The following FLRT1 variants were observed in gnomAD, a reference collection of about 807,000 sequenced individuals.
The protein encoded by FLRT1 is fibronectin leucine rich transmembrane protein 1.
A neutral mutation model predicts 30.9 loss-of-function variants in FLRT1; 14 were observed. The observed-to-expected ratio is 0.45, with a 90% CI of 0.30 to 0.71. The LOEUF is 0.71. Among genes scored for constraint, FLRT1 ranks in the 30% least tolerant of loss-of-function variants. The pLI, the probability that FLRT1 is intolerant of heterozygous loss-of-function variation, is 0.08. For synonymous variants in FLRT1, 368 were observed against 430.4 expected, an observed-to-expected ratio of 0.85 and a Z score of 1.80; for missense variants, 737 against 949.2, an observed-to-expected ratio of 0.78 and a Z score of 2.94.
chr11:64,054,978 C>G (rs947914737), intron 1 of FLRT1, among the ~76,000 whole-genome samples: 2 of 152,186 alleles, frequency 1.3e-5, no homozygotes, highest in Non-Finnish European at 2.9e-5. Context: ...TCCTACCAGC[C>G]CTTTCCTACC....
At position 64,117,066 on chromosome 11, in the gene FLRT1, C is replaced by T. The variant is rs764624707; in HGVS notation, c.799C>T (p.Leu267=). 1.9e-6 allele frequency: 3 copies of T among 1,602,546 alleles called. No individual in the cohort carries two copies. The highest frequency in any genetic ancestry group is 2.6e-6 in the Non-Finnish European group (3 of 1,174,924). Residue 267 remains leucine (L), a synonymous_variant, in exon 3 of 3, where the codon CTG becomes TTG. Transcript: ENST00000682287. ...RNSLAAPPLN[L]PSAHLQKLYL... Reference sequence around the variant, plus strand: ...TTCGCTGGCCGCGCCACCCCTCAACCTGCCCAGCGCCCACCTGCAGAAGCT... The same window carrying T: ...TTCGCTGGCCGCGCCACCCCTCAACTTGCCCAGCGCCCACCTGCAGAAGCT...
Position 64,117,971 on chromosome 11 carries a change from G to A in FLRT1, c.1704G>A (p.Leu568=), listed in dbSNP as rs554837203. ...GGAVALVFLF[L]VLGAICWYVH... is the part of the protein sequence containing the mutation. The stretch of plus-strand genomic sequence containing the variant: ...CAGTGGCTCTGGTCTTCCTCTTCCT[G>A]GTCCTGGGGGCCATCTGCTGGTACG... The change falls in exon 3 of 3, where the codon CTG becomes CTA. Residue 568 remains leucine (L), a synonymous_variant. Coordinates refer to ENST00000682287, the MANE Select transcript of FLRT1 (RefSeq NM_013280.5). The A allele has an allele frequency of 2.5e-6, 4 of 1,613,770 alleles. No individual in the cohort carries two copies. In the South Asian group the frequency reaches 4.4e-5, roughly 18 times the overall value.
chr11:64,070,660 C>T (rs1944091878), intron 1 of FLRT1, among the ~76,000 whole-genome samples: 1 of 152,196 alleles, frequency 6.6e-6, no homozygotes, highest in African/African-American at 2.4e-5. Context: ...CCTCAGGGGC[C>T]TCCCAGCTGA....
intron 1 of FLRT1, among the ~76,000 whole-genome samples, chr11:64,061,410 C>T (rs1943901320): frequency 6.6e-6 from 1 of 152,194 alleles, no homozygotes; most frequent in Non-Finnish European, 1.5e-5. Flanking sequence ...AGACCCCAGG[C>T]CGGCCTCCCA....
chr11:64,039,587 G>A (rs1174909882), intron 1 of FLRT1, among the ~76,000 whole-genome samples: 1 of 152,200 alleles, frequency 6.6e-6, no homozygotes, highest in Non-Finnish European at 1.5e-5. Flanking sequence ...ACGGGAAAAG[G>A]ACAGCACCCC....
chr11:64,060,136 G>C (rs1313722112), intron 1 of FLRT1, among the ~76,000 whole-genome samples: 1 of 152,260 alleles, frequency 6.6e-6, no homozygotes, highest in Non-Finnish European at 1.5e-5. Flanking sequence ...TTTAATTAGT[G>C]TTCTGTCAAG....
At position 64,116,553 on chromosome 11, in the gene FLRT1, G is replaced by A. The variant is rs778098134; in HGVS notation, c.286G>A (p.Ala96Thr). The change falls in exon 3 of 3, where the codon GCC becomes ACC. Residue 96 changes from alanine to threonine, a missense_variant. Coordinates refer to ENST00000682287, the MANE Select transcript of FLRT1 (RefSeq NM_013280.5). ...LYLQNNQINN[A>T]GIPQDLKTKV... is the part of the protein sequence containing the mutation. ...CCTGCAGAACAACCAGATCAACAACGCCGGCATCCCCCAGGACCTCAAGAC... is the reference window on the plus strand; with the variant it reads ...CCTGCAGAACAACCAGATCAACAACACCGGCATCCCCCAGGACCTCAAGAC... 1.2e-6 allele frequency: 2 copies of A among 1,614,006 alleles called. No homozygotes were observed. The highest frequency in any genetic ancestry group is 1.7e-5 in the Admixed American group (1 of 60,014).
At chr11:64,107,583 T>C (rs956154915) in intron 2 of FLRT1, among the ~76,000 whole-genome samples, 2 of 152,220 alleles carry the variant, frequency 1.3e-5, no homozygotes, top group African/African-American at 2.4e-5. Flanking sequence ...GCATAATGCA[T>C]GCAGCATGAA....
At position 64,113,477 on chromosome 11, in the gene FLRT1, T is replaced by TATGG. The variant is rs548042849; in HGVS notation, c.-49-2725_-49-2722dup. Among the ~76,000 whole-genome samples the TATGG allele has an allele frequency of 1.7e-4, 17 of 102,996 alleles. 1 individual carries two copies. The East Asian group carries it at 2.6e-3, about 16-fold the overall frequency. 67.6% of individuals were successfully genotyped at this position (102,996 alleles called of 152,430 possible). On this transcript the variant is annotated intron_variant, in intron 2 of 2. Transcript: ENST00000682287. ...AGGTGGATGCATGGATTGATGCATA[T>TATGG]ATGGATGGATGGATGGATGGTTGGA...
At position 64,082,834 on chromosome 11, in the gene FLRT1, C is replaced by T. The variant is rs960262234; in HGVS notation, c.-1037-20360C>T. On this transcript the variant is annotated intron_variant, in intron 1 of 2. Transcript: ENST00000682287. This position sits in a 1 kb window ranked among gnomAD's most constrained non-coding sequence, Gnocchi z 4.5. ...CCTCAGCTCAGACATCACCACGACC[C>T]ACAGGGCACCAGACACCGAGGTAGG... 3 of 152,468 alleles carry T rather than the reference C, an allele frequency of 2.0e-5. No individual in the cohort carries two copies. Among genetic ancestry groups the T allele is most frequent in the Non-Finnish European group, 4.4e-5 (3 of 68,216 alleles). 9.4% of individuals were successfully genotyped at this position (152,468 alleles called of 1,614,324 possible).
chr11:64,108,760 A>G (rs632603), intron 2 of FLRT1, among the ~76,000 whole-genome samples: 41,834 of 152,156 alleles, frequency 0.27, 6,545 homozygotes, highest in African/African-American at 0.44. Context: ...GGGGAGACAC[A>G]TGAATTATTG....
chr11:64,065,661 C>G (rs891533099), intron 1 of FLRT1, among the ~76,000 whole-genome samples: 14 of 152,066 alleles, frequency 9.2e-5, no homozygotes, highest in South Asian at 4.2e-4. Context: ...ATGGTGGCGG[C>G]CGCCTGTAGT....
At position 64,112,609 on chromosome 11, in the gene FLRT1, T is replaced by TTATA. The variant is rs1487863939; in HGVS notation, c.-49-3610_-49-3609insTATA. Among the ~76,000 whole-genome samples the TTATA allele has an allele frequency of 3.6e-3, 550 of 151,984 alleles. 2 individuals carry two copies. Among genetic ancestry groups the TTATA allele is most frequent in the Non-Finnish European group, 5.9e-3 (401 of 67,962 alleles). On this transcript the variant is annotated intron_variant, in intron 2 of 2. Coordinates refer to ENST00000682287, the MANE Select transcript of FLRT1 (RefSeq NM_013280.5). Reference sequence around the variant, plus strand: ...TAGGCAAGCAAGGAACTGAGAGGAGTATCTGGGAGTTATAATTCTCGATAG... The same window carrying TTATA: ...TAGGCAAGCAAGGAACTGAGAGGAGTTATAATCTGGGAGTTATAATTCTCGATAG...
Position 64,117,575 on chromosome 11 carries a change from C to T in FLRT1, c.1308C>T (p.Ala436=), listed in dbSNP as rs556505398. ...ACCCCATGGCCACGGGTGATGGCGCCAAGACCCTGGCCATCCACGTGAAGG... is the reference window on the plus strand; with the variant it reads ...ACCCCATGGCCACGGGTGATGGCGCTAAGACCCTGGCCATCCACGTGAAGG... ...IDYPMATGDG[A]KTLAIHVKAL... Residue 436 remains alanine (A), a synonymous_variant, in exon 3 of 3, where the codon GCC becomes GCT. Transcript: ENST00000682287. 9 of 1,610,476 alleles carry T rather than the reference C, an allele frequency of 5.6e-6. No homozygotes were observed. The South Asian group carries it at 7.7e-5, about 14-fold the overall frequency.
chr11:64,076,032 C>T (rs1362721324), intron 1 of FLRT1, among the ~76,000 whole-genome samples: 1 of 152,218 alleles, frequency 6.6e-6, no homozygotes, highest in Non-Finnish European at 1.5e-5. Flanking sequence ...GCCCTGGTTC[C>T]AAGTCGCTCT....
chr11:64,040,355 G>A (rs1317896287), intron 1 of FLRT1, among the ~76,000 whole-genome samples: 1 of 152,172 alleles, frequency 6.6e-6, no homozygotes, highest in Non-Finnish European at 1.5e-5. Flanking sequence ...ACAAGGGCCT[G>A]GAGGACAGGA....
chr11:64,088,573 T>C, intron 1 of FLRT1, among the ~76,000 whole-genome samples: 1 of 151,870 alleles, frequency 6.6e-6, no homozygotes, highest in Non-Finnish European at 1.5e-5. Flanking sequence ...GTGTTTCTCC[T>C]GGCCTGGAGC....
chr11:64,095,788 G>A (rs1328767952), intron 1 of FLRT1, among the ~76,000 whole-genome samples: 2 of 152,222 alleles, frequency 1.3e-5, no homozygotes, highest in Admixed American at 6.5e-5. Flanking sequence ...GAAGTGAGCA[G>A]GGGGCTCCTG....
At chr11:64,040,230 T>G (rs1943459353) in intron 1 of FLRT1, among the ~76,000 whole-genome samples, 1 of 143,390 alleles carries the variant, frequency 7.0e-6, no homozygotes. Flanking sequence ...CGCAAAGTGG[T>G]GAGGTCAAGT....
Sources: allele counts gnomAD v4.1 joint callset (sites outside exome capture counted in the v4.1 genomes callset), GRCh38; gene constraint gnomAD v4.1.1; non-coding constraint Gnocchi (gnomAD v3.1); transcripts MANE v1.5; gene names NCBI Gene and HGNC (gene_info 2026-07-23, HGNC 2026-07-21).